BOLA3: variants seen among roughly 807,000 people sequenced by gnomAD.
BOLA3 encodes bolA-like protein 3.
Under a neutral mutation model 14.5 loss-of-function variants are expected in BOLA3, and 8 were observed. The observed-to-expected ratio is 0.55, with a 90% CI of 0.32 to 0.99. The LOEUF is 0.99. Among genes scored for constraint, BOLA3 ranks in the 50% least tolerant of loss-of-function variants. The pLI, the probability that BOLA3 is intolerant of heterozygous loss-of-function variation, is 0.04. For missense variants in BOLA3, 115 were observed against 138.2 expected (o/e 0.83, Z 0.84); for synonymous variants, 42 against 45.7 (o/e 0.92, Z 0.33).
chr2:74,147,764 C>T (rs1692574197), intron 1 of BOLA3, 57 bp downstream of exon 1: 3 of 1,516,992 alleles, frequency 2.0e-6, no homozygotes, highest in Non-Finnish European at 2.6e-6. Context: ...GCCGGCCCCG[C>T]GGTCCCTCCG....
At chr2:74,143,054 A>T (rs1039209367) in intron 2 of BOLA3, among the ~76,000 whole-genome samples, 58 of 152,190 alleles carry the variant, frequency 3.8e-4, no homozygotes, top group Non-Finnish European at 4.4e-5. Flanking sequence ...TGATAAACAC[A>T]CAGCTCTAGC....
Position 74,135,667 on chromosome 2 carries a change from G to A in BOLA3, c.259-9C>T. ...ATTTCTTCTTTTAGTGCCTAAGTAA[G>A]AAAACAGCATCATCAGTTTTTGTGT... On this transcript the variant is annotated splice_polypyrimidine_tract_variant and intron_variant, in intron 3 of 3. Transcript: ENST00000327428. 1 of 1,587,708 alleles carries A rather than the reference G, an allele frequency of 6.3e-7. No homozygotes were observed. The highest frequency in any genetic ancestry group is 1.1e-5 in the South Asian group (1 of 90,420).
chr2:74,145,551 A>C lies in BOLA3; in HGVS notation c.55-248T>G, dbSNP rs828888. ...AATAACTCAATTTGACTCCAGAGAC[A>C]AGAGGCCCCAAACCTAATTCAAGAG... On this transcript the variant is annotated intron_variant, in intron 1 of 3. Transcript: ENST00000327428. The C allele has an allele frequency of 0.39, 210,934 of 540,850 alleles. 42,836 individuals are homozygous for C. The highest frequency in any genetic ancestry group is 0.43 in the Non-Finnish European group (127,661 of 299,558). 33.5% of individuals were successfully genotyped at this position (540,850 alleles called of 1,614,324 possible).
chr2:74,136,382 A>G (rs138267393), intron 3 of BOLA3, among the ~76,000 whole-genome samples: 1 of 152,230 alleles, frequency 6.6e-6, no homozygotes, highest in Non-Finnish European at 1.5e-5. Flanking sequence ...AAGCTTGTCC[A>G]ACCCACGGCC....
rs1420366716 is a variant in BOLA3 at position 74,147,805 on chromosome 2, C to T, written c.54+16G>A. On this transcript the variant is annotated intron_variant, in intron 1 of 3. Coordinates refer to ENST00000327428, the MANE Select transcript of BOLA3 (RefSeq NM_212552.3). ...CCCGTCCCGGGGAGAGCAGCCCCGA[C>T]CCTGCCCACGCTCACCCCGCGGATC... The T allele has an allele frequency of 2.0e-6, 3 of 1,529,952 alleles. No homozygotes were observed. Among genetic ancestry groups the T allele is most frequent in the South Asian group, 1.2e-5 (1 of 83,738 alleles). The allele number at this position is 1,529,952 out of a possible 1,614,324, so 94.8% of individuals were successfully genotyped here.
At chr2:74,145,515 G>A in intron 1 of BOLA3, 2 of 585,754 alleles carry the variant, frequency 3.4e-6, no homozygotes, top group South Asian at 3.9e-5. Flanking sequence ...GGCGGGGACA[G>A]GATGATTGTT....
chr2:74,140,113 A>G (rs1420798570), intron 3 of BOLA3, among the ~76,000 whole-genome samples: 5 of 152,224 alleles, frequency 3.3e-5, no homozygotes, highest in African/African-American at 1.2e-4. Flanking sequence ...GTGAAACCCC[A>G]TCTCTACTAA....
At chr2:74,143,000 T>C (rs1692475339) in intron 2 of BOLA3, among the ~76,000 whole-genome samples, 3 of 152,188 alleles carry the variant, frequency 2.0e-5, no homozygotes, top group Admixed American at 2.0e-4. Context: ...ACCCCCTGCC[T>C]GAGCTTTCCT....
At chr2:74,143,727 C>G (rs191553334) in intron 2 of BOLA3, among the ~76,000 whole-genome samples, 1 of 152,190 alleles carries the variant, frequency 6.6e-6, no homozygotes, top group East Asian at 1.9e-4. Context: ...GCTCTTGTCG[C>G]CCAGGCTGGA....
chr2:74,145,574 G>C (rs1572944441), intron 1 of BOLA3: 1 of 497,306 alleles, frequency 2.0e-6, no homozygotes, highest in South Asian at 2.1e-5. Flanking sequence ...CCTAATTCAA[G>C]AGATGTTTGC....
chr2:74,135,605 G>T lies in BOLA3; in HGVS notation c.312C>A (p.Val104=), dbSNP rs1457416106. 1 of 1,614,102 alleles carries T rather than the reference G, an allele frequency of 6.2e-7. No homozygotes were observed. Among genetic ancestry groups the T allele is most frequent in the Non-Finnish European group, 8.5e-7 (1 of 1,179,994 alleles). The change falls in exon 4 of 4, where the codon GTC becomes GTA. Residue 104 remains valine, a synonymous_variant. Coordinates refer to ENST00000327428, the MANE Select transcript of BOLA3 (RefSeq NM_212552.3). ...EMHGLRIFTS[V]PKR ...AGCCAGGGCGTGGTCAGCGTTTGGG[G>T]ACAGAGGTAAATATCCGCAATCCAT...
Position 74,145,222 on chromosome 2 carries a change from G to T in BOLA3, c.136C>A (p.Arg46=). ...TCAGTGACTTTTATAGCTGTAGCTC[G>T]TGGAAACTTTTCTTTGAGAATTTGG... ...VTQILKEKFP[R]ATAIKVTDIS... is the part of the protein sequence containing the mutation. Residue 46 remains arginine (R), a synonymous_variant, in exon 2 of 4, where the codon CGA becomes AGA. Coordinates refer to ENST00000327428, the MANE Select transcript of BOLA3 (RefSeq NM_212552.3). 6.2e-7 allele frequency: 1 copy of T among 1,607,272 alleles called. No individual in the cohort carries two copies. The highest frequency in any genetic ancestry group is 8.5e-7 in the Non-Finnish European group (1 of 1,173,738).
chr2:74,147,725 C>A, intron 1 of BOLA3, 96 bp downstream of exon 1: 1 of 1,291,762 alleles, frequency 7.7e-7, no homozygotes, highest in Non-Finnish European at 1.1e-6. Flanking sequence ...GCGCGCCCTC[C>A]GGGAGCCAGT....
intron 3 of BOLA3, among the ~76,000 whole-genome samples, chr2:74,137,971 G>A (rs1692364497): frequency 6.6e-6 from 1 of 152,216 alleles, no homozygotes; most frequent in African/African-American, 2.4e-5. Context: ...CACCTTGGCT[G>A]GGTGAGGGCC....
In BOLA3 at chr2:74,135,580, A is replaced by G. The variant is rs777509576; in HGVS notation, c.*13T>C. 1 of 1,613,950 alleles carries G rather than the reference A, an allele frequency of 6.2e-7. No individual in the cohort carries two copies. Among genetic ancestry groups the G allele is most frequent in the South Asian group, 1.1e-5 (1 of 91,076 alleles). On this transcript the variant is annotated 3_prime_UTR_variant, in exon 4 of 4. Transcript: ENST00000327428. Reference sequence around the variant, plus strand: ...AGGTCTTAAGCAGCAGCATCTATGCAGCCAGGGCGTGGTCAGCGTTTGGGG... The same window carrying G: ...AGGTCTTAAGCAGCAGCATCTATGCGGCCAGGGCGTGGTCAGCGTTTGGGG...
Position 74,145,172 on chromosome 2 carries a change from A to G in BOLA3, c.169+17T>C, listed in dbSNP as rs1262054486. ...AATCTTATCCAAGCGCCGTAGGAAG[A>G]GTGAGAGAAACCTTACCTGAAATGT... On this transcript the variant is annotated intron_variant, in intron 2 of 3. Coordinates refer to ENST00000327428, the MANE Select transcript of BOLA3 (RefSeq NM_212552.3). 2.9e-6 allele frequency: 4 copies of G among 1,372,584 alleles called. No individual in the cohort carries two copies. The Admixed American group carries it at 5.0e-5, about 17-fold the overall frequency. 85.0% of individuals were successfully genotyped at this position (1,372,584 alleles called of 1,614,324 possible).
chr2:74,137,063 C>T (rs1043310719), intron 3 of BOLA3, among the ~76,000 whole-genome samples: 6 of 152,200 alleles, frequency 3.9e-5, no homozygotes, highest in South Asian at 4.1e-4. Context: ...CTAGAGTGGA[C>T]ATTTTTCTTT....
chr2:74,136,974 C>T (rs565191789), intron 3 of BOLA3, among the ~76,000 whole-genome samples: 1 of 152,294 alleles, frequency 6.6e-6, no homozygotes, highest in South Asian at 2.1e-4. Context: ...CAGAGTGGGG[C>T]TTGGACCGCT....
At position 74,142,254 on chromosome 2, in the gene BOLA3, A is replaced by T; in HGVS notation, c.258+18T>A. On this transcript the variant is annotated intron_variant, in intron 3 of 3. Transcript: ENST00000327428. ...AGGCTGAAGGCCAGTGGCAAGGGGC[A>T]CTGTTGCCTCTACTGACCTGATTAA... is the stretch of plus-strand genomic sequence containing the variant. 6.3e-7 allele frequency: 1 copy of T among 1,585,796 alleles called. No individual in the cohort carries two copies. Among genetic ancestry groups the T allele is most frequent in the Non-Finnish European group, 8.7e-7 (1 of 1,155,082 alleles).
Sources: gnomAD v4.1 joint callset for allele counts (sites outside exome capture counted in the v4.1 genomes callset) on GRCh38, gnomAD v4.1.1 for gene constraint, MANE v1.5 for transcripts, NCBI Gene and HGNC (gene_info 2026-07-23, HGNC 2026-07-21) for gene names.